PNCK: variants seen among roughly 807,000 people sequenced by gnomAD.
PNCK encodes calcium/calmodulin-dependent protein kinase type 1B.
PNCK carries 21 observed loss-of-function variants against 28.3 expected under a neutral mutation model. The ratio of observed to expected loss-of-function variants is 0.74; its 90% CI spans 0.53 to 1.07. The LOEUF is 1.07. Among genes scored for constraint, PNCK ranks in the 50% least tolerant of loss-of-function variants. The probability of loss-of-function intolerance (pLI) is 0.00; values close to 1 mark genes in which losing one functional copy is unlikely to be tolerated. For missense variants in PNCK, 250 were observed against 298.3 expected (o/e 0.84, Z 1.19); for synonymous variants, 136 against 125.2 (o/e 1.09, Z -0.58).
chrX:153,675,987 CTTTTTTT>C (rs59527995), upstream of PNCK, among the ~76,000 whole-genome samples: 1 of 79,975 alleles, frequency 1.3e-5, no homozygotes, highest in African/African-American at 4.6e-5. Flanking sequence ...TTTTTCTTTT[CTTTTTTT>C]TTTTTTTTTT....
Position 153,672,684 on chromosome X carries a change from C to T in PNCK, c.82G>A (p.Glu28Lys), listed in dbSNP as rs782249570. The T allele has an allele frequency of 5.0e-6, 6 of 1,198,028 alleles. No homozygotes were observed. The highest frequency in any genetic ancestry group is 6.7e-6 in the Non-Finnish European group (6 of 892,370). The change falls in exon 3 of 12, where the codon GAG (glutamate) becomes AAG (lysine). Residue 28 changes from glutamate to lysine, a missense_variant. Coordinates refer to ENST00000340888, the MANE Select transcript of PNCK (RefSeq NM_001366977.1). ...RERLGSGAFS[E>K]VVLAQERGSA... ...CCCCGCTCCTGGGCCAGCACCACCT[C>T]GGAGAAGGCACCCCTGCCGCAGACG... is the stretch of plus-strand genomic sequence containing the variant.
chrX:153,679,509 C>T (rs2148349839), upstream of PNCK, among the ~76,000 whole-genome samples: 1 of 106,152 alleles, frequency 9.4e-6, no homozygotes, highest in African/African-American at 3.5e-5. Context: ...ATCTTTTGCC[C>T]ATTTTTAAAT....
At chrX:153,679,280 C>G (rs5986919), upstream of PNCK, among the ~76,000 whole-genome samples, 2 of 109,342 alleles carry the variant, frequency 1.8e-5, no homozygotes, top group African/African-American at 6.7e-5. Context: ...GGCTGTACCT[C>G]GTCACATTCT....
chrX:153,671,527 G>A, intron 6 of PNCK, 22 bp downstream of exon 6: 1 of 1,211,897 alleles, frequency 8.3e-7, no homozygotes, highest in South Asian at 1.8e-5. Flanking sequence ...CTCCCAGCAA[G>A]CCTCAGGGTG....
intron 1 of PNCK, chrX:153,673,495 C>T (rs1252416716): frequency 2.3e-6 from 1 of 427,224 alleles, no homozygotes. Context: ...CTGCCCAAGC[C>T]ACCAAGCCGC....
intron 1 of PNCK, among the ~76,000 whole-genome samples, chrX:153,680,886 G>A (rs1273517815): frequency 1.8e-5 from 2 of 108,933 alleles, no homozygotes; most frequent in African/African-American, 6.7e-5. Context: ...AAAATTAGCC[G>A]GGCGTGGTGG....
At position 153,670,535 on chromosome X, in the gene PNCK, C is replaced by T; in HGVS notation, c.954G>A (p.Glu318=). ...TGCCCTGCTCAGAGGCCCCCTCGCC[C>T]TCTGGGATCTGCCCCAGCTTCCGGA... ...RHIRKLGQIP[E]GEGASEQGMA... The change falls in exon 11 of 12, where the codon GAG becomes GAA. Residue 318 remains glutamate, a synonymous_variant. Coordinates refer to ENST00000340888, the MANE Select transcript of PNCK (RefSeq NM_001366977.1). 8.3e-7 allele frequency: 1 copy of T among 1,210,817 alleles called. No homozygotes were observed. Among genetic ancestry groups the T allele is most frequent in the Non-Finnish European group, 1.1e-6 (1 of 895,227 alleles).
Position 153,672,000 on chromosome X carries a change from C to G in PNCK, c.294G>C (p.Leu98=). 8.3e-7 allele frequency: 1 copy of G among 1,210,997 alleles called. No homozygotes were observed. The highest frequency in any genetic ancestry group is 1.1e-6 in the Non-Finnish European group (1 of 895,174). Residue 98 remains leucine, a synonymous_variant, in exon 5 of 12, where the codon CTG becomes CTC. Coordinates refer to ENST00000340888, the MANE Select transcript of PNCK (RefSeq NM_001366977.1). ...AGCCGCGCTCCATGATGCGGTCAAA[C>G]AGCTCGCCACCCGTCACCCTGGGGG... ...LAMELVTGGE[L]FDRIMERGSY...
chrX:153,673,695 C>A (rs2091342913), intron 1 of PNCK, 85 bp downstream of exon 1: 1 of 543,606 alleles, frequency 1.8e-6, no homozygotes, highest in Admixed American at 9.0e-5. Flanking sequence ...AGGTGTGCTG[C>A]GGACGCGCAA....
At position 153,671,280 on chromosome X, in the gene PNCK, C is replaced by T. The variant is rs2148334560; in HGVS notation, c.614+5G>A. 2.5e-6 allele frequency: 3 copies of T among 1,208,895 alleles called. No individual in the cohort carries two copies. The South Asian group carries it at 5.3e-5, about 21-fold the overall frequency. ...AGGAGACAAGCCTTCCCAGCGGTCA[C>T]TCACAGGATGTAGGAGATGACGCCC... On this transcript the variant is annotated splice_donor_5th_base_variant and intron_variant, in intron 7 of 11. Transcript: ENST00000340888.
chrX:153,677,220 G>C (rs2091370325), upstream of PNCK, among the ~76,000 whole-genome samples: 1 of 111,779 alleles, frequency 8.9e-6, no homozygotes, highest in African/African-American at 3.3e-5. Flanking sequence ...TTACAGGCGT[G>C]AGCCACCGCG....
At chrX:153,678,036 C>T (rs782055579), upstream of PNCK, among the ~76,000 whole-genome samples, 44 of 109,013 alleles carry the variant, frequency 4.0e-4, no homozygotes, top group Admixed American at 7.0e-4. Context: ...CAGATACACA[C>T]GCGCATCAGT....
chrX:153,682,452 A>G (rs2091399670), intron 1 of PNCK, among the ~76,000 whole-genome samples: 1 of 109,135 alleles, frequency 9.2e-6, no homozygotes, highest in African/African-American at 3.4e-5. Flanking sequence ...CTAATTTTTA[A>G]ATTTTTTGTA....
In PNCK at chrX:153,671,864, G is replaced by C; in HGVS notation, c.414+16C>G. ...GGCAGGTGGGAGGGTGGGGTGCAGA[G>C]GCCCCAGCCAGGCACCTTGAGGTCC... On this transcript the variant is annotated intron_variant, in intron 5 of 11. Coordinates refer to ENST00000340888, the MANE Select transcript of PNCK (RefSeq NM_001366977.1). 1 of 1,206,013 alleles carries C rather than the reference G, an allele frequency of 8.3e-7. No homozygotes were observed. Among genetic ancestry groups the C allele is most frequent in the South Asian group, 1.8e-5 (1 of 56,345 alleles).
intron 2 of PNCK, 52 bp from the exon 3 acceptor site, chrX:153,672,749 G>A: frequency 8.7e-7 from 1 of 1,155,410 alleles, no homozygotes; most frequent in South Asian, 1.9e-5. Flanking sequence ...AGAGAGGAGA[G>A]GCAGGAGGGA....
At chrX:153,672,437 G>A in intron 3 of PNCK, 129 bp downstream of exon 3, 2 of 983,357 alleles carry the variant, frequency 2.0e-6, no homozygotes. Context: ...CCACAGGGAT[G>A]TGCAGGCCCA....
At chrX:153,673,247 G>A in intron 1 of PNCK, 169 bp from the exon 2 acceptor site, 6 of 1,199,209 alleles carry the variant, frequency 5.0e-6, no homozygotes, top group Non-Finnish European at 6.7e-6. Flanking sequence ...TCCCAGCGAG[G>A]CCACCGCATA....
Position 153,673,090 on chromosome X carries a change from G to T in PNCK, c.-2-12C>A. ...CAGCAGCAGCATGTCTGCAGGGGCA[G>T]GGGAGAGGTGATGGGGGTCTCTCCC... On this transcript the variant is annotated splice_polypyrimidine_tract_variant and intron_variant, in intron 1 of 11. Transcript: ENST00000340888. 1 of 1,186,342 alleles carries T rather than the reference G, an allele frequency of 8.4e-7. No homozygotes were observed.
At chrX:153,682,516 T>C (rs782334270) in intron 1 of PNCK, among the ~76,000 whole-genome samples, 1 of 112,268 alleles carries the variant, frequency 8.9e-6, no homozygotes, top group East Asian at 2.8e-4. Flanking sequence ...TGGGATCAAG[T>C]GATCTGTGTC....
Sources: allele counts gnomAD v4.1 joint callset (sites outside exome capture counted in the v4.1 genomes callset), GRCh38; gene constraint gnomAD v4.1.1; transcripts MANE v1.5; gene names NCBI Gene and HGNC (gene_info 2026-07-23, HGNC 2026-07-21).